Variants in GLIS3 observed in about 807,000 individuals in gnomAD.
GLIS3 encodes GLIS family zinc finger 3.
GLIS3 carries 53 observed loss-of-function variants against 78.6 expected under a neutral mutation model. The observed-to-expected ratio is 0.67, with a 90% CI of 0.54 to 0.85. The LOEUF is 0.85. GLIS3 is among the 40% of genes least tolerant of loss of function. The pLI is 0.00. For synonymous variants in GLIS3, 684 were observed against 509.9 expected, an observed-to-expected ratio of 1.34 and a Z score of -4.60; for missense variants, 1,703 against 1,231.1, an observed-to-expected ratio of 1.38 and a Z score of -5.74.
chr9:4,069,400 G>C (rs1013551697), intron 4 of GLIS3, among the ~76,000 whole-genome samples: 1 of 152,172 alleles, frequency 6.6e-6, no homozygotes, highest in Non-Finnish European at 1.5e-5. Context: ...CTCCAGGAGA[G>C]AGCAAGATTG....
chr9:3,852,275 TAC>T (rs1819482268), intron 9 of GLIS3, among the ~76,000 whole-genome samples: 1 of 152,178 alleles, frequency 6.6e-6, no homozygotes, highest in Non-Finnish European at 1.5e-5. Context: ...TCTCTAAAAA[TAC>T]AGTGATGGTA....
chr9:4,412,168 A>G, the GLIS3 span, among the ~76,000 whole-genome samples: 1 of 152,216 alleles, frequency 6.6e-6, no homozygotes, highest in Non-Finnish European at 1.5e-5. Context: ...CACTCTTCCA[A>G]GAAGGCATAC....
intron 9 of GLIS3, among the ~76,000 whole-genome samples, chr9:3,835,293 C>T (rs977234851): frequency 6.6e-6 from 1 of 152,154 alleles, no homozygotes; most frequent in African/African-American, 2.4e-5. Flanking sequence ...GATGACAACT[C>T]ATAGGTCCAG....
intron 2 of GLIS3, among the ~76,000 whole-genome samples, chr9:4,180,921 A>T (rs1586898034): frequency 6.6e-6 from 1 of 152,164 alleles, no homozygotes; most frequent in South Asian, 2.1e-4. Flanking sequence ...CTTTTGCTCC[A>T]TGACTGCCAC....
chr9:4,465,350 C>G, the GLIS3 span, among the ~76,000 whole-genome samples: 2 of 152,202 alleles, frequency 1.3e-5, no homozygotes, highest in Non-Finnish European at 1.5e-5. Flanking sequence ...GAGTTCGAGA[C>G]CAGCCTGGCC....
chr9:4,354,654 C>T, the GLIS3 span, among the ~76,000 whole-genome samples: 3 of 152,170 alleles, frequency 2.0e-5, no homozygotes, highest in East Asian at 1.9e-4. Flanking sequence ...TCGAGCCTCT[C>T]ACTGCGGTCC....
At chr9:4,232,501 T>C (rs1046399313) in intron 2 of GLIS3, among the ~76,000 whole-genome samples, 43 of 152,178 alleles carry the variant, frequency 2.8e-4, no homozygotes, top group African/African-American at 9.9e-4. Context: ...TACTGGCTGT[T>C]TGACTTTCAG....
chr9:3,925,302 C>A (rs1173859721), intron 6 of GLIS3, among the ~76,000 whole-genome samples: 1 of 152,122 alleles, frequency 6.6e-6, no homozygotes, highest in East Asian at 1.9e-4. Context: ...GCTGGCATCT[C>A]CCGGTGTGTC....
intron 2 of GLIS3, among the ~76,000 whole-genome samples, chr9:4,280,459 C>T (rs1398230152): frequency 2.6e-5 from 4 of 152,162 alleles, no homozygotes; most frequent in African/African-American, 9.7e-5. Context: ...ATGTCTGCAA[C>T]TTACTTTCAA....
chr9:3,968,556 T>G (rs1382207724), intron 4 of GLIS3, among the ~76,000 whole-genome samples: 1 of 152,230 alleles, frequency 6.6e-6, no homozygotes, highest in East Asian at 1.9e-4. Context: ...ATACAAATTA[T>G]ATAAGAAAGC....
intron 4 of GLIS3, among the ~76,000 whole-genome samples, chr9:4,109,766 A>C (rs1004713672): frequency 3.3e-5 from 5 of 152,158 alleles, no homozygotes; most frequent in Non-Finnish European, 5.9e-5. Flanking sequence ...ACTCCTACCT[A>C]GTCTTGGACC....
intron 2 of GLIS3, among the ~76,000 whole-genome samples, chr9:4,346,582 C>A (rs1312666668): frequency 6.6e-6 from 1 of 152,196 alleles, no homozygotes; most frequent in Admixed American, 6.5e-5. Flanking sequence ...AGCAGAATTG[C>A]CAGTCTCAGT....
chr9:4,081,580 C>G (rs912471634), intron 4 of GLIS3, among the ~76,000 whole-genome samples: 5 of 152,162 alleles, frequency 3.3e-5, no homozygotes, highest in African/African-American at 4.8e-5. Flanking sequence ...TGGATAAACA[C>G]GTGTAAAGCC....
chr9:4,294,436 G>C (rs1413171725), intron 1 of GLIS3, among the ~76,000 whole-genome samples: 2 of 152,104 alleles, frequency 1.3e-5, no homozygotes, highest in African/African-American at 2.4e-5. Flanking sequence ...TTGAACCCAG[G>C]AGGGGGAGGT....
the GLIS3 span, among the ~76,000 whole-genome samples, chr9:4,373,156 A>G: frequency 3.9e-5 from 6 of 152,376 alleles, no homozygotes; most frequent in East Asian, 1.2e-3. Flanking sequence ...CCATCTCAAA[A>G]TGATGCTTAC....
chr9:4,026,803 T>C (rs567096321), intron 4 of GLIS3, among the ~76,000 whole-genome samples: 1 of 152,320 alleles, frequency 6.6e-6, no homozygotes, highest in Admixed American at 6.5e-5. Flanking sequence ...AGTGATAAAA[T>C]TAACTTCTAT....
At chr9:4,370,917 G>A in the GLIS3 span, among the ~76,000 whole-genome samples, 3 of 152,062 alleles carry the variant, frequency 2.0e-5, no homozygotes, top group South Asian at 4.2e-4. Flanking sequence ...ATATCATAAC[G>A]CCTTCAAAAT....
At chr9:4,267,373 A>G (rs1179180712) in intron 2 of GLIS3, among the ~76,000 whole-genome samples, 1 of 152,192 alleles carries the variant, frequency 6.6e-6, no homozygotes. Context: ...CCATCCTCTC[A>G]TGGCTAAATC....
the GLIS3 span, among the ~76,000 whole-genome samples, chr9:4,398,834 G>A: frequency 1.3e-5 from 2 of 152,122 alleles, no homozygotes; most frequent in African/African-American, 4.8e-5. Flanking sequence ...GATTACAGGT[G>A]CCCACCAACA....
Sources: gnomAD v4.1 joint callset for allele counts (sites outside exome capture counted in the v4.1 genomes callset) on GRCh38, gnomAD v4.1.1 for gene constraint, MANE v1.5 for transcripts, NCBI Gene and HGNC (gene_info 2026-07-23, HGNC 2026-07-21) for gene names.